ZPLD1: variants seen among roughly 807,000 people sequenced by gnomAD.
The protein encoded by ZPLD1 is zona pellucida like domain containing 1.
ZPLD1 carries 34 observed loss-of-function variants against 47.2 expected under a neutral mutation model. The ratio of observed to expected loss-of-function variants is 0.72; its 90% CI spans 0.55 to 0.96. The LOEUF (loss-of-function observed/expected upper bound fraction) is 0.96. Ranked by LOEUF, ZPLD1 falls within the 40% of genes least tolerant of loss-of-function variation. The pLI is 0.00. For missense variants in ZPLD1, 512 were observed against 505.8 expected (o/e 1.01, Z -0.12); for synonymous variants, 176 against 186.2 (o/e 0.95, Z 0.45).
At chr3:102,411,722 T>C (rs1706749438) in intron 7 of ZPLD1, among the ~76,000 whole-genome samples, 1 of 151,786 alleles carries the variant, frequency 6.6e-6, no homozygotes. Context: ...TTCTTTCATT[T>C]TGGGTATGGA....
intron 5 of ZPLD1, 57 bp downstream of exon 5, chr3:102,456,431 G>T (rs1004132990): frequency 6.9e-7 from 1 of 1,456,108 alleles, no homozygotes; most frequent in African/African-American, 1.4e-5. Context: ...CAGGCATTTC[G>T]TATCTTTCAG....
chr3:102,457,826 C>T lies in ZPLD1; in HGVS notation c.555C>T (p.Val185=), dbSNP rs148707216. The change falls in exon 6 of 12, where the codon GTC becomes GTT. Residue 185 remains valine, a synonymous_variant. Coordinates refer to ENST00000466937, the MANE Select transcript of ZPLD1 (RefSeq NM_001329788.2). ...TGAGAGAGAACAATGGCACATTTGT[C>T]AGCACTTTGAACCTGCTCCTTTATA... ...ISVRENNGTF[V]STLNLLLYND... is the part of the protein sequence containing the mutation. 54 of 1,613,912 alleles carry T rather than the reference C, an allele frequency of 3.3e-5. No homozygotes were observed. The African/African-American group carries it at 6.0e-4, about 18-fold the overall frequency.
intron 9 of ZPLD1, 28 bp downstream of exon 9, chr3:102,469,163 G>A: frequency 6.3e-7 from 1 of 1,595,324 alleles, no homozygotes; most frequent in African/African-American, 1.4e-5. Context: ...TTCATTTTAA[G>A]TTGTTGAATT....
At chr3:102,407,356 T>TTTTATTTCAG (rs1210575667) in intron 7 of ZPLD1, among the ~76,000 whole-genome samples, 1 of 132,008 alleles carries the variant, frequency 7.6e-6, no homozygotes, top group African/African-American at 2.8e-5. Context: ...CATTTAAAAT[T>TTTTATTTCAG]TTTATTTCAG....
chr3:102,458,773 C>T (rs111465705), intron 6 of ZPLD1, among the ~76,000 whole-genome samples: 2 of 152,054 alleles, frequency 1.3e-5, no homozygotes, highest in African/African-American at 4.8e-5. Context: ...GCCTTTCTGT[C>T]GTTTCTAAAC....
intron 3 of ZPLD1, among the ~76,000 whole-genome samples, chr3:102,445,975 T>C (rs747847425): frequency 1.7e-4 from 26 of 152,202 alleles, no homozygotes; most frequent in Non-Finnish European, 3.2e-4. Flanking sequence ...TTGATGTTCA[T>C]TGAAAACTGA....
At chr3:102,443,645 T>G (rs1180105043) in intron 3 of ZPLD1, among the ~76,000 whole-genome samples, 1 of 152,178 alleles carries the variant, frequency 6.6e-6, no homozygotes, top group African/African-American at 2.4e-5. Flanking sequence ...TATTTTAATA[T>G]TCAATGAACA....
intron 8 of ZPLD1, among the ~76,000 whole-genome samples, chr3:102,425,169 A>G (rs1038357238): frequency 6.6e-6 from 1 of 152,070 alleles, no homozygotes; most frequent in Non-Finnish European, 1.5e-5. Context: ...GTTTTATGGC[A>G]CTGACCAAGG....
intron 3 of ZPLD1, among the ~76,000 whole-genome samples, chr3:102,446,827 T>C (rs1707262573): frequency 1.3e-5 from 2 of 152,218 alleles, no homozygotes; most frequent in Admixed American, 1.3e-4. Context: ...TGCTTACTTT[T>C]CTTCTGTCTT....
chr3:102,470,545 A>G (rs368599347), intron 10 of ZPLD1, 43 bp downstream of exon 10: 2 of 1,524,994 alleles, frequency 1.3e-6, no homozygotes, highest in Non-Finnish European at 1.8e-6. Context: ...AGACGGTTCC[A>G]AAATGCCTCG....
At chr3:102,450,222 C>T (rs561610086) in intron 3 of ZPLD1, among the ~76,000 whole-genome samples, 7 of 152,160 alleles carry the variant, frequency 4.6e-5, no homozygotes, top group South Asian at 4.1e-4. Flanking sequence ...GTGTGTGTTC[C>T]TGTATTATGT....
chr3:102,426,426 G>T (rs1383733189), intron 8 of ZPLD1, among the ~76,000 whole-genome samples: 1 of 151,678 alleles, frequency 6.6e-6, no homozygotes, highest in African/African-American at 2.4e-5. Context: ...GCTGAGGCAG[G>T]AGAATCGCTT....
intron 8 of ZPLD1, among the ~76,000 whole-genome samples, chr3:102,468,310 C>T (rs558564590): frequency 6.6e-6 from 1 of 152,210 alleles, no homozygotes; most frequent in African/African-American, 2.4e-5. Flanking sequence ...TAATCCTGTA[C>T]ATGTTCAACA....
rs183576495 is a variant in ZPLD1 at position 102,403,761 on chromosome 3, T to A, written c.-157+11536T>A. Reference sequence around the variant, plus strand: ...GAGTGGTAGGTGGGCCATAAAGGAATCTCTGGGGCATATTGGAGGATGTGA... The same window carrying A: ...GAGTGGTAGGTGGGCCATAAAGGAAACTCTGGGGCATATTGGAGGATGTGA... On this transcript the variant is annotated intron_variant, in intron 7 of 17. Transcript: ENST00000491959. Among the ~76,000 whole-genome samples the A allele has an allele frequency of 3.3e-5, 5 of 152,012 alleles. No homozygotes were observed. In the East Asian group the frequency reaches 9.7e-4, roughly 30 times the overall value.
At chr3:102,461,290 T>C (rs1707503350) in intron 6 of ZPLD1, among the ~76,000 whole-genome samples, 2 of 152,046 alleles carry the variant, frequency 1.3e-5, no homozygotes, top group African/African-American at 4.8e-5. Flanking sequence ...CTCTGTTAAA[T>C]GATGTGACTG....
At chr3:102,434,586 C>G (rs1189971535), upstream of ZPLD1, among the ~76,000 whole-genome samples, 1 of 152,168 alleles carries the variant, frequency 6.6e-6, no homozygotes, top group Non-Finnish European at 1.5e-5. Flanking sequence ...CCATTCCCAT[C>G]AATTTAAACT....
intron 7 of ZPLD1, among the ~76,000 whole-genome samples, chr3:102,417,869 T>A (rs1029866880): frequency 6.7e-6 from 1 of 150,052 alleles, no homozygotes; most frequent in Non-Finnish European, 1.5e-5. Context: ...AAATACAAGA[T>A]CAAACGCAGG....
chr3:102,413,196 A>G (rs1559744061), intron 7 of ZPLD1, among the ~76,000 whole-genome samples: 1 of 151,848 alleles, frequency 6.6e-6, no homozygotes, highest in Non-Finnish European at 1.5e-5. Context: ...TACAGTTCAC[A>G]CTAAGTCATA....
rs778036295 is a variant in ZPLD1 at position 102,462,298 on chromosome 3, G to A, written c.600G>A (p.Gln200=). Residue 200 remains glutamine, a synonymous_variant, in exon 7 of 12, where the codon CAG becomes CAA. Transcript: ENST00000466937. ...ATCATTAGGATTCAACCTACAACCA[G>A]CAGTTAATTATCCCCAGTATAGGAT... The part of the protein sequence containing the change: ...LLLYNDSTYN[Q]QLIIPSIGLP... 1.9e-6 allele frequency: 3 copies of A among 1,609,672 alleles called. No homozygotes were observed. Among genetic ancestry groups the A allele is most frequent in the Admixed American group, 3.4e-5 (2 of 59,530 alleles).
Sources: allele counts gnomAD v4.1 joint callset (sites outside exome capture counted in the v4.1 genomes callset), GRCh38; gene constraint gnomAD v4.1.1; transcripts MANE v1.5; gene names NCBI Gene and HGNC (gene_info 2026-07-23, HGNC 2026-07-21).